CTNNA2: variants seen among roughly 807,000 people sequenced by gnomAD.
CTNNA2 encodes catenin alpha-2.
In CTNNA2, 42 loss-of-function variants were observed where a neutral mutation model predicts 101.0. The ratio of observed to expected loss-of-function variants is 0.42; its 90% CI spans 0.32 to 0.54. CTNNA2 has a LOEUF of 0.54. CTNNA2 is among the 20% of genes least tolerant of loss of function. The pLI is 0.14. For synonymous variants in CTNNA2, 450 were observed against 456.4 expected, an observed-to-expected ratio of 0.99 and a Z score of 0.18; for missense variants, 871 against 1,223.1, an observed-to-expected ratio of 0.71 and a Z score of 4.29.
At chr2:79,740,978 T>C (rs1024018497) in intron 2 of CTNNA2, among the ~76,000 whole-genome samples, 1 of 151,974 alleles carries the variant, frequency 6.6e-6, no homozygotes, top group Non-Finnish European at 1.5e-5. Context: ...GCCTGTAACA[T>C]GATGGGAAAA....
chr2:79,594,754 CT>C (rs1677080280), intron 1 of CTNNA2, among the ~76,000 whole-genome samples: 2 of 151,990 alleles, frequency 1.3e-5, no homozygotes, highest in Non-Finnish European at 2.9e-5. Flanking sequence ...TTATATATAT[CT>C]TTAATCTATT....
At chr2:79,272,283 G>A (rs1053404940) in intron 2 of CTNNA2, among the ~76,000 whole-genome samples, 1 of 151,872 alleles carries the variant, frequency 6.6e-6, no homozygotes, top group African/African-American at 2.4e-5. Flanking sequence ...CAAGATTTCA[G>A]ATCTCTTCCT....
chr2:79,256,801 T>C (rs903705735), intron 2 of CTNNA2, among the ~76,000 whole-genome samples: 2 of 152,194 alleles, frequency 1.3e-5, no homozygotes, highest in Non-Finnish European at 2.9e-5. Context: ...AGTTTTCTCA[T>C]TTGGAAAATG....
intron 6 of CTNNA2, among the ~76,000 whole-genome samples, chr2:79,905,049 C>T (rs1685326264): frequency 6.6e-6 from 1 of 152,148 alleles, no homozygotes; most frequent in Non-Finnish European, 1.5e-5. Context: ...GACTTGAAGG[C>T]AGAATAGGAT....
intron 9 of CTNNA2, among the ~76,000 whole-genome samples, chr2:80,460,968 G>A (rs964092807): frequency 4.6e-5 from 7 of 152,130 alleles, no homozygotes; most frequent in Non-Finnish European, 7.4e-5. Context: ...TGACTCTACC[G>A]TTCCAGGAAC....
chr2:79,915,949 G>C (rs1387877009), intron 7 of CTNNA2, among the ~76,000 whole-genome samples: 1 of 152,136 alleles, frequency 6.6e-6, no homozygotes, highest in East Asian at 1.9e-4. Flanking sequence ...CTTTGCCATA[G>C]GAATTGCTAT....
At chr2:79,187,542 T>C (rs1047083000) in intron 1 of CTNNA2, among the ~76,000 whole-genome samples, 12 of 152,150 alleles carry the variant, frequency 7.9e-5, no homozygotes, top group African/African-American at 2.9e-4. Flanking sequence ...TGGTCACACA[T>C]GGAGAAACTT....
At chr2:80,404,645 T>C (rs1407101427) in intron 8 of CTNNA2, among the ~76,000 whole-genome samples, 2 of 152,162 alleles carry the variant, frequency 1.3e-5, no homozygotes, top group Non-Finnish European at 2.9e-5. Flanking sequence ...GAAAAGGAGC[T>C]ATTGATTCAG....
At chr2:79,266,850 G>A (rs1434188) in intron 2 of CTNNA2, among the ~76,000 whole-genome samples, 3,666 of 152,138 alleles carry the variant, frequency 0.024, 138 homozygotes, top group African/African-American at 0.085. Context: ...GGCAACTCAT[G>A]TATTTTCATG....
chr2:80,413,830 T>G (rs759264688), intron 8 of CTNNA2, among the ~76,000 whole-genome samples: 12 of 152,182 alleles, frequency 7.9e-5, no homozygotes, highest in Admixed American at 5.2e-4. Flanking sequence ...GCTTCAGATT[T>G]TTTGAGCCTA....
chr2:79,701,030 T>TG (rs1412145236), intron 2 of CTNNA2, among the ~76,000 whole-genome samples: 1 of 152,168 alleles, frequency 6.6e-6, no homozygotes, highest in East Asian at 1.9e-4. Context: ...AATGTATTGA[T>TG]GAAAAACAAA....
At chr2:80,231,862 T>A (rs1709233321) in intron 7 of CTNNA2, among the ~76,000 whole-genome samples, 1 of 150,836 alleles carries the variant, frequency 6.6e-6, no homozygotes, top group African/African-American at 2.5e-5. Context: ...CCCTTACTAG[T>A]TTTTTTTCCA....
At chr2:79,545,524 G>A (rs965467032) in intron 1 of CTNNA2, among the ~76,000 whole-genome samples, 13 of 152,110 alleles carry the variant, frequency 8.5e-5, no homozygotes, top group East Asian at 3.9e-4. Context: ...TATAGCAGGT[G>A]GCCTCATATC....
intron 1 of CTNNA2, among the ~76,000 whole-genome samples, chr2:79,541,873 C>T (rs1480693975): frequency 6.6e-6 from 1 of 151,654 alleles, no homozygotes; most frequent in Non-Finnish European, 1.5e-5. Context: ...GATTCACCCA[C>T]CTTAGCCTCC....
intron 7 of CTNNA2, among the ~76,000 whole-genome samples, chr2:79,962,261 G>A (rs1201893162): frequency 1.3e-5 from 2 of 152,220 alleles, no homozygotes; most frequent in Non-Finnish European, 2.9e-5. Flanking sequence ...TCTGGCGATG[G>A]CCTGTTCCTC....
At chr2:80,576,800 A>C (rs1695092278) in intron 13 of CTNNA2, among the ~76,000 whole-genome samples, 1 of 150,596 alleles carries the variant, frequency 6.6e-6, no homozygotes, top group African/African-American at 2.4e-5. Context: ...AAAAAAAAAA[A>C]AAAAAAAATA....
intron 7 of CTNNA2, among the ~76,000 whole-genome samples, chr2:80,203,429 T>A (rs1707335770): frequency 6.6e-6 from 1 of 152,162 alleles, no homozygotes; most frequent in African/African-American, 2.4e-5. Flanking sequence ...CAATTCCAAA[T>A]GGGAGAAATT....
chr2:79,439,464 A>T (rs956952643), intron 4 of CTNNA2, among the ~76,000 whole-genome samples: 4 of 152,188 alleles, frequency 2.6e-5, no homozygotes, highest in Non-Finnish European at 5.9e-5. Flanking sequence ...TTCTTTTGGG[A>T]GGAATGAAAG....
chr2:79,261,047 G>T (rs1453737959), intron 2 of CTNNA2, among the ~76,000 whole-genome samples: 1 of 152,166 alleles, frequency 6.6e-6, no homozygotes, highest in East Asian at 1.9e-4. Flanking sequence ...AAAGTGAGCA[G>T]TCAGCTAAAT....
Sources: allele counts gnomAD v4.1 joint callset (sites outside exome capture counted in the v4.1 genomes callset), GRCh38; gene constraint gnomAD v4.1.1; transcripts MANE v1.5; gene names NCBI Gene and HGNC (gene_info 2026-07-23, HGNC 2026-07-21).